STXBP5L: variants seen among roughly 807,000 people sequenced by gnomAD.
STXBP5L encodes the protein syntaxin binding protein 5L.
A neutral mutation model predicts 144.5 loss-of-function variants in STXBP5L; 65 were observed. The ratio of observed to expected loss-of-function variants is 0.45; its 90% CI spans 0.37 to 0.55. STXBP5L has a LOEUF of 0.55. STXBP5L is among the 20% of genes least tolerant of loss of function. The pLI is 0.00. For synonymous variants in STXBP5L, 505 were observed against 469.6 expected (o/e 1.08, Z -0.97); for missense variants, 1,298 against 1,405.5 (o/e 0.92, Z 1.22).
At chr3:121,322,717 G>A (rs959005002) in intron 20 of STXBP5L, among the ~76,000 whole-genome samples, 2 of 152,040 alleles carry the variant, frequency 1.3e-5, no homozygotes, top group Non-Finnish European at 2.9e-5. Context: ...TATATGCCCA[G>A]TAATGGGATT....
intron 5 of STXBP5L, among the ~76,000 whole-genome samples, chr3:121,048,846 C>T (rs954473584): frequency 6.6e-6 from 1 of 152,092 alleles, no homozygotes; most frequent in African/African-American, 2.4e-5. Context: ...GAGCCCAGGT[C>T]AAGAGGCACT....
chr3:121,238,050 C>T (rs1450446620), intron 12 of STXBP5L, among the ~76,000 whole-genome samples: 1 of 152,184 alleles, frequency 6.6e-6, no homozygotes, highest in African/African-American at 2.4e-5. Flanking sequence ...CTTCCAACCT[C>T]TACCCATCAC....
rs189983169 is a variant in STXBP5L at position 121,163,050 on chromosome 3, A to T, written c.877+5423A>T. ...AATCTAGAACCAGAAATAGCATTTG[A>T]CCCAGCAATCCCATTACTGGATATA... On this transcript the variant is annotated intron_variant, in intron 9 of 26. Coordinates refer to ENST00000471454, the MANE Select transcript of STXBP5L (RefSeq NM_001308330.2). 6.0e-4 allele frequency among the ~76,000 whole-genome samples: 91 copies of T among 152,334 alleles called. 2 individuals are homozygous for T. In the East Asian group the frequency reaches 0.012, roughly 20 times the overall value.
At chr3:121,316,558 A>T (rs905715269) in intron 19 of STXBP5L, among the ~76,000 whole-genome samples, 2 of 152,194 alleles carry the variant, frequency 1.3e-5, no homozygotes, top group African/African-American at 2.4e-5. Context: ...TCTTATCTGT[A>T]TGATGGGGTT....
chr3:121,414,975 C>T (rs934840647), intron 24 of STXBP5L, among the ~76,000 whole-genome samples: 2 of 152,056 alleles, frequency 1.3e-5, no homozygotes, highest in African/African-American at 4.8e-5. Flanking sequence ...AGTCATTTCT[C>T]GGTTTCTGGC....
At chr3:121,095,841 CT>C (rs1470134220) in intron 5 of STXBP5L, among the ~76,000 whole-genome samples, 1 of 152,136 alleles carries the variant, frequency 6.6e-6, no homozygotes, top group Non-Finnish European at 1.5e-5. Context: ...AACTGTGTTC[CT>C]TTGGAGGGGG....
intron 3 of STXBP5L, among the ~76,000 whole-genome samples, chr3:120,987,187 A>T (rs1942370163): frequency 6.6e-6 from 1 of 152,002 alleles, no homozygotes; most frequent in Admixed American, 6.6e-5. Flanking sequence ...TTAATTTTCT[A>T]AGAAGATGCC....
intron 5 of STXBP5L, among the ~76,000 whole-genome samples, chr3:121,089,559 C>A (rs1297218186): frequency 6.6e-6 from 1 of 151,554 alleles, no homozygotes; most frequent in African/African-American, 2.4e-5. Flanking sequence ...GTTTTTATCT[C>A]AGATAATTGG....
chr3:121,163,182 C>T (rs2046381394), intron 9 of STXBP5L, among the ~76,000 whole-genome samples: 1 of 152,164 alleles, frequency 6.6e-6, no homozygotes, highest in African/African-American at 2.4e-5. Context: ...AAATGTCCAT[C>T]AGTGATAGAC....
intron 5 of STXBP5L, among the ~76,000 whole-genome samples, chr3:121,105,629 TC>T (rs1312570374): frequency 1.3e-5 from 2 of 152,140 alleles, no homozygotes; most frequent in Non-Finnish European, 2.9e-5. Context: ...CTACAACCAC[TC>T]TGGTAAACAG....
At chr3:120,973,002 T>C (rs1360383109) in intron 3 of STXBP5L, among the ~76,000 whole-genome samples, 1 of 152,134 alleles carries the variant, frequency 6.6e-6, no homozygotes, top group Non-Finnish European at 1.5e-5. Context: ...TTTGCAACTC[T>C]GTTCATCAGA....
chr3:121,274,396 G>A (rs2050819676), intron 18 of STXBP5L, among the ~76,000 whole-genome samples: 1 of 152,274 alleles, frequency 6.6e-6, no homozygotes, highest in South Asian at 2.1e-4. Context: ...GATGTCTGTA[G>A]TAACTGTAGT....
At chr3:121,024,441 T>C (rs987927197) in intron 3 of STXBP5L, among the ~76,000 whole-genome samples, 14 of 152,188 alleles carry the variant, frequency 9.2e-5, no homozygotes, top group African/African-American at 2.9e-4. Flanking sequence ...TGGTTGAGCA[T>C]TGAGATATCT....
chr3:121,415,745 G>A (rs2047216932), intron 24 of STXBP5L, 112 bp from the exon 25 acceptor site: 1 of 595,104 alleles, frequency 1.7e-6, no homozygotes, highest in Admixed American at 3.6e-5. Flanking sequence ...GAAAATATAT[G>A]AAAAGCAGAC....
chr3:121,265,178 C>T (rs912901214), intron 18 of STXBP5L, among the ~76,000 whole-genome samples: 1 of 152,296 alleles, frequency 6.6e-6, no homozygotes, highest in South Asian at 2.1e-4. Context: ...ACATTCTTCT[C>T]AGCACCACAA....
At chr3:121,018,524 A>AC (rs1945305102) in intron 3 of STXBP5L, among the ~76,000 whole-genome samples, 1 of 21,880 alleles carries the variant, frequency 4.6e-5, no homozygotes, top group African/African-American at 1.8e-4. Flanking sequence ...TCCATATACC[A>AC]AAAAAAAAAA....
chr3:121,388,743 A>G lies in STXBP5L; in HGVS notation c.2587+7211A>G, dbSNP rs1310732117. 2.0e-5 allele frequency among the ~76,000 whole-genome samples: 3 copies of G among 152,278 alleles called. No individual in the cohort carries two copies. In the East Asian group the frequency reaches 5.8e-4, roughly 29 times the overall value. On this transcript the variant is annotated intron_variant, in intron 22 of 26. Coordinates refer to ENST00000471454, the MANE Select transcript of STXBP5L (RefSeq NM_001308330.2). ...AGCCTTGCATCCCAGGGAAGAAGCC[A>G]ACTTGATCGTGGTGGATAAGCTTTT...
chr3:120,974,210 CCTGA>C (rs1940649977), intron 3 of STXBP5L, among the ~76,000 whole-genome samples: 1 of 152,022 alleles, frequency 6.6e-6, no homozygotes, highest in Non-Finnish European at 1.5e-5. Context: ...CCTGTTGTTT[CCTGA>C]CTTTTTAATG....
chr3:121,204,722 C>T (rs188296739), intron 9 of STXBP5L, among the ~76,000 whole-genome samples: 2 of 147,972 alleles, frequency 1.4e-5, no homozygotes, highest in Non-Finnish European at 3.0e-5. Context: ...AATAAGGGTA[C>T]TTACTGAAAA....
Sources: gnomAD v4.1 joint callset for allele counts (sites outside exome capture counted in the v4.1 genomes callset) on GRCh38, gnomAD v4.1.1 for gene constraint, MANE v1.5 for transcripts, NCBI Gene and HGNC (gene_info 2026-07-23, HGNC 2026-07-21) for gene names.